Variants in LRRC4C observed in about 807,000 individuals in gnomAD.
LRRC4C encodes leucine rich repeat containing 4C.
In LRRC4C, 5 loss-of-function variants were observed where a neutral mutation model predicts 33.6. The ratio of observed to expected loss-of-function variants is 0.15; its 90% CI spans 0.08 to 0.31. The LOEUF (loss-of-function observed/expected upper bound fraction) is 0.31. LRRC4C is among the 10% of genes least tolerant of loss of function. LRRC4C has a pLI of 1.00. For missense variants in LRRC4C, 560 were observed against 796.7 expected, an observed-to-expected ratio of 0.70 and a Z score of 3.58; for synonymous variants, 329 against 302.0, an observed-to-expected ratio of 1.09 and a Z score of -0.93.
At chr11:40,295,303 T>C (rs1362166799) in intron 4 of LRRC4C, among the ~76,000 whole-genome samples, 1 of 152,144 alleles carries the variant, frequency 6.6e-6, no homozygotes, top group African/African-American at 2.4e-5. Context: ...AAATTAGGAA[T>C]GATAATTTAA....
intron 1 of LRRC4C, among the ~76,000 whole-genome samples, chr11:41,056,394 A>G (rs1485406876): frequency 3.3e-5 from 5 of 152,240 alleles, no homozygotes; most frequent in Non-Finnish European, 5.9e-5. Context: ...CAATTACAAT[A>G]AAAACAAAAA....
intron 1 of LRRC4C, among the ~76,000 whole-genome samples, chr11:41,262,389 C>T (rs557085455): frequency 6.7e-5 from 9 of 135,016 alleles, no homozygotes; most frequent in Middle Eastern, 3.6e-3. Context: ...TATACTACTA[C>T]GGACATGAAC....
chr11:40,746,121 G>C (rs1035052770), intron 2 of LRRC4C, among the ~76,000 whole-genome samples: 3 of 152,148 alleles, frequency 2.0e-5, no homozygotes, highest in East Asian at 1.9e-4. Context: ...AGCTGAAAGA[G>C]GGTCCCCAAC....
chr11:41,176,908 C>A (rs377477471), intron 1 of LRRC4C, among the ~76,000 whole-genome samples: 2 of 151,822 alleles, frequency 1.3e-5, no homozygotes, highest in African/African-American at 4.8e-5. Flanking sequence ...GAGGTTGCAG[C>A]GAGCTGAGAT....
intron 1 of LRRC4C, among the ~76,000 whole-genome samples, chr11:41,017,092 G>C (rs1017664121): frequency 2.0e-5 from 3 of 152,108 alleles, no homozygotes; most frequent in Non-Finnish European, 4.4e-5. Flanking sequence ...CACTCTGTCC[G>C]ATACTAAGGA....
At chr11:40,559,780 T>G (rs1591105835) in intron 3 of LRRC4C, among the ~76,000 whole-genome samples, 1 of 152,192 alleles carries the variant, frequency 6.6e-6, no homozygotes. Context: ...GTACGAGTGG[T>G]ATCTCATTGA....
intron 1 of LRRC4C, among the ~76,000 whole-genome samples, chr11:41,189,975 T>C (rs889958475): frequency 1.3e-5 from 2 of 152,210 alleles, no homozygotes; most frequent in South Asian, 2.1e-4. Flanking sequence ...ATTTGCCTAG[T>C]GCTGTAGTTA....
Position 40,768,848 on chromosome 11 carries a change from C to T in LRRC4C, c.-406-120570G>A, listed in dbSNP as rs185092247. Among the ~76,000 whole-genome samples the T allele has an allele frequency of 2.6e-5, 4 of 152,106 alleles. No homozygotes were observed. In the East Asian group the frequency reaches 7.7e-4, roughly 29 times the overall value. ...GGAACATACTTGAACACAATAAAAGCCACATATGACAGACCCACAGCTAGT... is the reference window on the plus strand; with the variant it reads ...GGAACATACTTGAACACAATAAAAGTCACATATGACAGACCCACAGCTAGT... On this transcript the variant is annotated intron_variant, in intron 2 of 6. Transcript: ENST00000528697.
intron 4 of LRRC4C, among the ~76,000 whole-genome samples, chr11:40,258,782 A>G (rs953735114): frequency 5.9e-5 from 9 of 152,182 alleles, no homozygotes; most frequent in African/African-American, 2.2e-4. Flanking sequence ...CTCATGTCCC[A>G]CCTAAGTGGG....
chr11:40,961,659 GCACGAAAGTTCAT>G (rs1314217435), intron 1 of LRRC4C, among the ~76,000 whole-genome samples: 1 of 151,650 alleles, frequency 6.6e-6, no homozygotes, highest in Non-Finnish European at 1.5e-5. Context: ...AAGACTTTCA[GCACGAAAGTTCAT>G]CACATATAAT....
intron 3 of LRRC4C, among the ~76,000 whole-genome samples, chr11:40,615,238 T>TTTTATATATATATATATATATATA (rs1408452073): frequency 2.3e-5 from 2 of 88,174 alleles, no homozygotes; most frequent in African/African-American, 7.9e-5. Flanking sequence ...TTGATTTATT[T>TTTTATATATATATATATATATATA]TATATATATA....
At chr11:40,258,487 A>T (rs1867406273) in intron 4 of LRRC4C, among the ~76,000 whole-genome samples, 1 of 152,212 alleles carries the variant, frequency 6.6e-6, no homozygotes, top group Non-Finnish European at 1.5e-5. Context: ...ACTAGAATTT[A>T]AAAACCCTAG....
chr11:40,246,734 A>T (rs1800006348), intron 4 of LRRC4C, among the ~76,000 whole-genome samples: 1 of 152,146 alleles, frequency 6.6e-6, no homozygotes, highest in Admixed American at 6.6e-5. Flanking sequence ...TCTTTCTTAG[A>T]TTATAAAAGT....
chr11:41,422,361 C>T (rs534275250), intron 1 of LRRC4C, among the ~76,000 whole-genome samples: 39 of 152,128 alleles, frequency 2.6e-4, no homozygotes, highest in African/African-American at 8.9e-4. Context: ...ACAGTTGCTA[C>T]CCATAAGACC....
At chr11:40,965,698 T>G (rs1851308490) in intron 1 of LRRC4C, among the ~76,000 whole-genome samples, 1 of 152,138 alleles carries the variant, frequency 6.6e-6, no homozygotes, top group African/African-American at 2.4e-5. Flanking sequence ...GCATTATTTA[T>G]GAGGGTTCTG....
intron 3 of LRRC4C, among the ~76,000 whole-genome samples, chr11:40,409,933 C>T (rs1031509895): frequency 6.6e-6 from 1 of 151,946 alleles, no homozygotes; most frequent in African/African-American, 2.4e-5. Flanking sequence ...ATATATATTT[C>T]AAAACATCAT....
At position 40,115,156 on chromosome 11, in the gene LRRC4C, T is replaced by C. The variant is rs1234638880; in HGVS notation, c.1137A>G (p.Thr379=). ...TAATCCAAGATACAGATGTCAGGGA[T>C]GTGGAGGCCCGACATTTCAGCTCAG... ...MAAELKCRAS[T]SLTSVSWITP... is the part of the protein sequence containing the mutation. The change falls in exon 7 of 7, where the codon ACA becomes ACG. Residue 379 remains threonine, a synonymous_variant. Transcript: ENST00000528697. The surrounding 1 kb of genome is among the most constrained non-coding windows in gnomAD (Gnocchi z 6.7). 1 of 1,614,102 alleles carries C rather than the reference T, an allele frequency of 6.2e-7. No individual in the cohort carries two copies. Among genetic ancestry groups the C allele is most frequent in the Non-Finnish European group, 8.5e-7 (1 of 1,180,050 alleles).
At chr11:40,267,188 A>G (rs1294756460) in intron 4 of LRRC4C, among the ~76,000 whole-genome samples, 1 of 152,146 alleles carries the variant, frequency 6.6e-6, no homozygotes, top group Non-Finnish European at 1.5e-5. Flanking sequence ...AACTTCATTT[A>G]CATCCTCAAT....
chr11:41,266,618 G>T (rs1273986592), intron 1 of LRRC4C, among the ~76,000 whole-genome samples: 3 of 152,064 alleles, frequency 2.0e-5, no homozygotes, highest in Non-Finnish European at 4.4e-5. Flanking sequence ...TGTTCTACAG[G>T]TTCTTTCATA....
Sources: gnomAD v4.1 joint callset for allele counts (sites outside exome capture counted in the v4.1 genomes callset) on GRCh38, gnomAD v4.1.1 for gene constraint, Gnocchi (gnomAD v3.1) non-coding constraint, MANE v1.5 for transcripts, NCBI Gene and HGNC (gene_info 2026-07-23, HGNC 2026-07-21) for gene names.